ATP8B1: variants seen among roughly 807,000 people sequenced by gnomAD.
ATP8B1 encodes ATPase phospholipid transporting 8B1, also known as phospholipid-transporting ATPase IC.
Under a neutral mutation model 149.9 loss-of-function variants are expected in ATP8B1, and 80 were observed. The observed-to-expected ratio is 0.53, with a 90% CI of 0.45 to 0.64. The LOEUF (loss-of-function observed/expected upper bound fraction) is 0.64. ATP8B1 is among the 30% of genes least tolerant of loss of function. ATP8B1 has a pLI of 0.00. For missense variants in ATP8B1, 1,247 were observed against 1,552.6 expected (o/e 0.80, Z 3.31); for synonymous variants, 536 against 562.8 (o/e 0.95, Z 0.67).
chr18:57,713,616 G>C (rs1006265841), intron 2 of ATP8B1, among the ~76,000 whole-genome samples: 1 of 150,962 alleles, frequency 6.6e-6, no homozygotes, highest in African/African-American at 2.4e-5. Flanking sequence ...TCAGCCTCCC[G>C]AGTAGCTGGG....
chr18:57,764,511 T>G (rs1413953164), intron 1 of ATP8B1, among the ~76,000 whole-genome samples: 1 of 150,564 alleles, frequency 6.6e-6, no homozygotes, highest in East Asian at 2.0e-4. Context: ...CTCTGCCTCC[T>G]GGGTTCAAGT....
chr18:57,662,647 G>T (rs1910545206), intron 20 of ATP8B1, 32 bp from the exon 21 acceptor site: 1 of 1,613,076 alleles, frequency 6.2e-7, no homozygotes. Flanking sequence ...TGTTTAAAGT[G>T]TAAGACCCTA....
intron 14 of ATP8B1, among the ~76,000 whole-genome samples, chr18:57,684,653 A>C (rs1209916688): frequency 6.6e-6 from 1 of 152,160 alleles, no homozygotes; most frequent in Non-Finnish European, 1.5e-5. Context: ...GCCTAGTCAA[A>C]AGGTACTTTG....
intron 8 of ATP8B1, 90 bp from the exon 9 acceptor site, chr18:57,695,622 G>A: frequency 1.1e-6 from 1 of 948,486 alleles, no homozygotes; most frequent in South Asian, 1.4e-5. Context: ...AGCCATACCT[G>A]GACATGAAGC....
chr18:57,760,991 A>G (rs2080145640), intron 1 of ATP8B1, among the ~76,000 whole-genome samples: 1 of 63,458 alleles, frequency 1.6e-5, no homozygotes, highest in African/African-American at 4.3e-5. Flanking sequence ...TCTGTCTCAA[A>G]TAAAATAAAA....
chr18:57,763,509 C>A (rs1303847723), intron 1 of ATP8B1, among the ~76,000 whole-genome samples: 2 of 152,136 alleles, frequency 1.3e-5, no homozygotes, highest in Middle Eastern at 3.2e-3. Context: ...TTTTCAAATT[C>A]CAACAAACAT....
intron 1 of ATP8B1, among the ~76,000 whole-genome samples, chr18:57,783,993 AG>A (rs1438136146): frequency 1.2e-4 from 19 of 152,184 alleles, no homozygotes; most frequent in Admixed American, 9.8e-4. Context: ...TACTTGAAAA[AG>A]AAAGAGTGAG....
intron 2 of ATP8B1, among the ~76,000 whole-genome samples, chr18:57,717,796 T>C (rs961396721): frequency 2.7e-5 from 4 of 150,778 alleles, no homozygotes; most frequent in Admixed American, 2.6e-4. Context: ...AGTGCAGTGG[T>C]GCGATCTTGG....
At chr18:57,723,005 T>C (rs1296511637) in intron 2 of ATP8B1, among the ~76,000 whole-genome samples, 1 of 150,568 alleles carries the variant, frequency 6.6e-6, no homozygotes, top group East Asian at 2.0e-4. Context: ...AACCACATGA[T>C]TATCTCAATA....
At chr18:57,685,664 G>GGGT (rs1298829162) in intron 13 of ATP8B1, among the ~76,000 whole-genome samples, 2 of 152,084 alleles carry the variant, frequency 1.3e-5, no homozygotes, top group Non-Finnish European at 2.9e-5. Context: ...GGGTGTGGTG[G>GGGT]CTCACACCTG....
Position 57,736,453 on chromosome 18 carries a change from G to GTTTTTTTTTTTTTTTTTTTTTT in ATP8B1, c.-25-4643_-25-4622dup, listed in dbSNP as rs71171079. On this transcript the variant is annotated intron_variant, in intron 1 of 27. Transcript: ENST00000648908. ...TTTCTTCTAGTATAAAGTTTTACTA[G>GTTTTTTTTTTTTTTTTTTTTTT]TTTTTTTTTTTTTTTTTTTTTTTTG... 2.9e-5 allele frequency among the ~76,000 whole-genome samples: 2 copies of GTTTTTTTTTTTTTTTTTTTTTT among 70,142 alleles called. 1 individual carries two copies. The highest frequency in any genetic ancestry group is 5.3e-5 in the Non-Finnish European group (2 of 37,394). 46.0% of individuals were successfully genotyped at this position (70,142 alleles called of 152,430 possible).
rs766292913 is a variant in ATP8B1, at chr18:57,652,121, C to A, written c.3313G>T (p.Gly1105Ter). The stretch of plus-strand genomic sequence containing the variant: ...ATGCCAAAATAAAGTGCAATGCTTC[C>A]AAAAATTGAAAAAGCATTCACAAAA... ...WTFVNAFSIF[G>*]SIALYFGIMF... The change falls in exon 26 of 28, where the codon GGA becomes TGA. Residue 1105 changes from glycine to a stop codon, truncating the protein, a stop_gained. Coordinates refer to ENST00000648908, the MANE Select transcript of ATP8B1 (RefSeq NM_001374385.1). LOFTEE classifies it high-confidence loss of function. The A allele has an allele frequency of 6.2e-7, 1 of 1,613,796 alleles. No individual in the cohort carries two copies. The highest frequency in any genetic ancestry group is 8.5e-7 in the Non-Finnish European group (1 of 1,179,806).
chr18:57,669,518 A>G, intron 17 of ATP8B1, 36 bp from the exon 18 acceptor site: 3 of 1,572,342 alleles, frequency 1.9e-6, no homozygotes, highest in Non-Finnish European at 8.7e-7. Context: ...ACCAATGCAA[A>G]GAATAGTTAA....
intron 15 of ATP8B1, among the ~76,000 whole-genome samples, chr18:57,679,758 G>A (rs943896329): frequency 8.5e-5 from 13 of 152,074 alleles, no homozygotes; most frequent in African/African-American, 2.9e-4. Context: ...TCCGCCTCGC[G>A]GGTTCAAGCA....
intron 6 of ATP8B1, among the ~76,000 whole-genome samples, chr18:57,699,506 G>T (rs901054107): frequency 2.0e-5 from 3 of 151,976 alleles, no homozygotes; most frequent in Non-Finnish European, 4.4e-5. Flanking sequence ...GGAGGCCGAG[G>T]TGAGTGGATC....
At chr18:57,756,313 A>ATATATATATATATGTATATATG (rs2080083256) in intron 1 of ATP8B1, among the ~76,000 whole-genome samples, 3 of 143,552 alleles carry the variant, frequency 2.1e-5, no homozygotes, top group Non-Finnish European at 4.5e-5. Context: ...ATATATATAT[A>ATATATATATATATGTATATATG]TATTTGAGAC....
intron 1 of ATP8B1, among the ~76,000 whole-genome samples, chr18:57,787,510 C>CGGGTGGAGCTCCATCTAGGACACTGT (rs1568071768): frequency 1.3e-5 from 2 of 151,582 alleles, no homozygotes; most frequent in Non-Finnish European, 2.9e-5. Context: ...TAGAACAATG[C>CGGGTGGAGCTCCATCTAGGACACTGT]GGGTGGAGCT....
chr18:57,670,195 C>G (rs1284816973), intron 17 of ATP8B1, among the ~76,000 whole-genome samples: 1 of 152,142 alleles, frequency 6.6e-6, no homozygotes, highest in Non-Finnish European at 1.5e-5. Flanking sequence ...CAAGTCCAAT[C>G]ACCTATGAAC....
At chr18:57,750,678 T>C (rs2080008180) in intron 1 of ATP8B1, among the ~76,000 whole-genome samples, 1 of 152,224 alleles carries the variant, frequency 6.6e-6, no homozygotes, top group Admixed American at 6.5e-5. Context: ...ACCTACTCTT[T>C]TCCTCCTTCA....
Sources: gnomAD v4.1 joint callset for allele counts (sites outside exome capture counted in the v4.1 genomes callset) on GRCh38, gnomAD v4.1.1 for gene constraint, MANE v1.5 for transcripts, NCBI Gene and HGNC (gene_info 2026-07-23, HGNC 2026-07-21) for gene names.